ERC1: variants seen among roughly 807,000 people sequenced by gnomAD.
The protein encoded by ERC1 is RAB6 interacting protein 2.
ERC1 carries 56 observed loss-of-function variants against 132.0 expected under a neutral mutation model. The ratio of observed to expected loss-of-function variants is 0.42; its 90% CI spans 0.34 to 0.53. ERC1 has a LOEUF of 0.53. Ranked by LOEUF, ERC1 falls within the 20% of genes least tolerant of loss-of-function variation. The pLI is 0.03. For missense variants in ERC1, 1,202 were observed against 1,349.9 expected, an observed-to-expected ratio of 0.89 and a Z score of 1.72; for synonymous variants, 478 against 476.1, an observed-to-expected ratio of 1.00 and a Z score of -0.05.
intron 18 of ERC1, among the ~76,000 whole-genome samples, chr12:1,448,746 G>A (rs377465336): frequency 6.6e-6 from 1 of 152,260 alleles, no homozygotes; most frequent in Non-Finnish European, 1.5e-5. Context: ...CTAGGGCAGT[G>A]CAGAAGGGAA....
intron 15 of ERC1, among the ~76,000 whole-genome samples, chr12:1,360,993 G>A (rs1467327652): frequency 6.6e-6 from 1 of 151,548 alleles, no homozygotes; most frequent in African/African-American, 2.4e-5. Flanking sequence ...TACTTGGGAT[G>A]CTGATGTGGG....
At chr12:1,402,463 T>C (rs1226955579) in intron 16 of ERC1, among the ~76,000 whole-genome samples, 1 of 150,644 alleles carries the variant, frequency 6.6e-6, no homozygotes, top group Admixed American at 6.6e-5. Flanking sequence ...CCGGAGGTTG[T>C]AGTGAGCCGA....
At chr12:1,045,477 T>C (rs758989104) in intron 2 of ERC1, among the ~76,000 whole-genome samples, 9 of 152,286 alleles carry the variant, frequency 5.9e-5, no homozygotes, top group East Asian at 1.9e-4. Flanking sequence ...TAGACTCTTA[T>C]AGATGCTAGT....
At chr12:1,342,969 A>C (rs2084066129) in intron 15 of ERC1, among the ~76,000 whole-genome samples, 1 of 152,220 alleles carries the variant, frequency 6.6e-6, no homozygotes. Flanking sequence ...ACACTTAATG[A>C]AATAAATACC....
intron 17 of ERC1, among the ~76,000 whole-genome samples, chr12:1,427,649 A>G (rs1565417269): frequency 6.6e-6 from 1 of 152,112 alleles, no homozygotes; most frequent in Non-Finnish European, 1.5e-5. Context: ...CCTAAGACCT[A>G]ATTTGAATCC....
At chr12:1,029,460 C>T (rs1427412950) in intron 2 of ERC1, among the ~76,000 whole-genome samples, 2 of 152,122 alleles carry the variant, frequency 1.3e-5, no homozygotes, top group Admixed American at 6.6e-5. Context: ...TGTAGCTTTT[C>T]GTTCTGTAAT....
intron 7 of ERC1, among the ~76,000 whole-genome samples, chr12:1,133,901 C>T (rs1345693060): frequency 3.3e-5 from 5 of 152,048 alleles, no homozygotes; most frequent in Non-Finnish European, 7.3e-5. Context: ...GAGATCATAC[C>T]GTAATCTGTG....
chr12:1,080,165 A>G (rs563350637), intron 2 of ERC1, among the ~76,000 whole-genome samples: 1 of 152,238 alleles, frequency 6.6e-6, no homozygotes, highest in Non-Finnish European at 1.5e-5. Flanking sequence ...AAAATTTACC[A>G]TCTTAACCAT....
chr12:1,180,919 C>G (rs576520095), intron 9 of ERC1, among the ~76,000 whole-genome samples: 1 of 152,080 alleles, frequency 6.6e-6, no homozygotes, highest in South Asian at 2.1e-4. Context: ...TCAAGCGATT[C>G]TCCTGCCTCA....
At chr12:1,156,728 T>C (rs1348933204) in intron 8 of ERC1, among the ~76,000 whole-genome samples, 10 of 152,190 alleles carry the variant, frequency 6.6e-5, no homozygotes, top group Admixed American at 3.3e-4. Context: ...TTCCACTGAC[T>C]TGGTAGGCAA....
intron 2 of ERC1, among the ~76,000 whole-genome samples, chr12:1,040,393 G>A (rs1361839986): frequency 4.9e-5 from 7 of 141,980 alleles, no homozygotes; most frequent in African/African-American, 7.9e-5. Context: ...GCAATACTCC[G>A]CCTCCCGAGT....
chr12:1,141,743 A>T lies in ERC1; in HGVS notation c.1693A>T (p.Met565Leu), dbSNP rs767030481. Residue 565 changes from methionine to leucine, a missense_variant, in exon 8 of 19, where the codon ATG (methionine) becomes TTG (leucine). Met to Leu is a conservative substitution (Grantham distance 15). Coordinates refer to ENST00000360905, the MANE Select transcript of ERC1 (RefSeq NM_178040.4). ...TGGAGAGATACATGACCTCAAGGACATGTTGGATGTGAAGGAGCGGAAGGT... is the reference window on the plus strand; with the variant it reads ...TGGAGAGATACATGACCTCAAGGACTTGTTGGATGTGAAGGAGCGGAAGGT... ...QAGEIHDLKD[M>L]LDVKERKVNV... is the part of the protein sequence containing the mutation. 4 of 1,611,656 alleles carry T rather than the reference A, an allele frequency of 2.5e-6. No homozygotes were observed. The highest frequency in any genetic ancestry group is 1.7e-5 in the Admixed American group (1 of 59,806).
intron 18 of ERC1, among the ~76,000 whole-genome samples, chr12:1,479,230 C>T (rs2094037027): frequency 6.6e-6 from 1 of 152,120 alleles, no homozygotes; most frequent in Non-Finnish European, 1.5e-5. Flanking sequence ...ATTTGTATAG[C>T]TTTGTTCTTG....
chr12:1,122,491 C>A (rs370802490), intron 7 of ERC1, among the ~76,000 whole-genome samples: 1 of 79,260 alleles, frequency 1.3e-5, no homozygotes, highest in South Asian at 3.6e-4. Flanking sequence ...ATCTCTATCT[C>A]TATCTCTATC....
intron 15 of ERC1, among the ~76,000 whole-genome samples, chr12:1,311,716 A>G (rs557616195): frequency 6.6e-6 from 1 of 152,326 alleles, no homozygotes; most frequent in South Asian, 2.1e-4. Context: ...TGCAAGCACT[A>G]TTCTATTGAT....
In ERC1 at chr12:1,260,807, C is replaced by T. The variant is rs371753831; in HGVS notation, c.2488-2227C>T. On this transcript the variant is annotated intron_variant, in intron 13 of 18. Transcript: ENST00000360905. ...AATGCTTCCATACTTAGCTTTACAT[C>T]GAAATGTTATGTGACTTATAATATC... Among the ~76,000 whole-genome samples the T allele has an allele frequency of 7.9e-5, 12 of 152,296 alleles. No individual in the cohort carries two copies. The South Asian group carries it at 1.2e-3, about 16-fold the overall frequency.
At chr12:1,423,901 C>A (rs191674954) in intron 17 of ERC1, among the ~76,000 whole-genome samples, 2 of 152,108 alleles carry the variant, frequency 1.3e-5, no homozygotes, top group East Asian at 1.9e-4. Context: ...AGGGGCACTA[C>A]AAAGTAACAG....
intron 18 of ERC1, among the ~76,000 whole-genome samples, chr12:1,448,585 A>C (rs1481291494): frequency 6.6e-6 from 1 of 152,242 alleles, no homozygotes; most frequent in Non-Finnish European, 1.5e-5. Flanking sequence ...TGTTTTGTTT[A>C]TAGTTTTGTA....
intron 14 of ERC1, among the ~76,000 whole-genome samples, chr12:1,274,397 GT>G (rs2078096109): frequency 6.6e-6 from 1 of 152,150 alleles, no homozygotes; most frequent in Non-Finnish European, 1.5e-5. Flanking sequence ...AAAAAGTATA[GT>G]ATTTTATAAA....
Sources: allele counts gnomAD v4.1 joint callset (sites outside exome capture counted in the v4.1 genomes callset), GRCh38; gene constraint gnomAD v4.1.1; transcripts MANE v1.5; gene names NCBI Gene and HGNC (gene_info 2026-07-23, HGNC 2026-07-21).